SUPT3H: variants seen among roughly 807,000 people sequenced by gnomAD.
SUPT3H encodes the protein SPT3 homolog, SAGA and STAGA complex component.
A neutral mutation model predicts 44.3 loss-of-function variants in SUPT3H; 44 were observed. That is an observed-to-expected ratio of 0.99 (90% CI 0.78 to 1.28). The LOEUF is 1.28. SUPT3H is among the 50% of genes most tolerant of loss of function. The pLI, the probability that SUPT3H is intolerant of heterozygous loss-of-function variation, is 0.00. For synonymous variants in SUPT3H, 124 were observed against 125.6 expected (o/e 0.99, Z 0.09); for missense variants, 380 against 387.1 (o/e 0.98, Z 0.15).
chr6:45,120,482 GGAT>G (rs917854894), intron 2 of SUPT3H, among the ~76,000 whole-genome samples: 3 of 145,482 alleles, frequency 2.1e-5, no homozygotes, highest in African/African-American at 7.5e-5. Context: ...GACTGGAGTA[GGAT>G]GATGATGATA....
chr6:45,221,599 C>T (rs147123847), intron 2 of SUPT3H, among the ~76,000 whole-genome samples: 112 of 152,098 alleles, frequency 7.4e-4, no homozygotes, highest in Non-Finnish European at 1.4e-3. Context: ...TAAATGGAGA[C>T]ACAGTTTATG....
intron 2 of SUPT3H, among the ~76,000 whole-genome samples, chr6:45,315,603 C>T (rs528067290): frequency 6.6e-6 from 1 of 152,050 alleles, no homozygotes; most frequent in Admixed American, 6.6e-5. Flanking sequence ...GTAAGAATGG[C>T]CATAATCAAA....
At position 45,298,521 on chromosome 6, in the gene SUPT3H, CT is replaced by C. The variant is rs1226029261; in HGVS notation, c.101+66679del. On this transcript the variant is annotated intron_variant, in intron 2 of 10. Transcript: ENST00000371459. ...AAGAATATTCATTAAAATGTTATCT[CT>C]TTTTTTTTTTTTGAGATGGAGTCAG... 8.0e-3 allele frequency among the ~76,000 whole-genome samples: 1,146 copies of C among 144,076 alleles called. 9 individuals carry two copies. The highest frequency in any genetic ancestry group is 0.019 in the African/African-American group (753 of 39,570). 94.5% of individuals were successfully genotyped at this position (144,076 alleles called of 152,430 possible).
chr6:45,079,612 G>A (rs551768028), intron 3 of SUPT3H, among the ~76,000 whole-genome samples: 7 of 152,254 alleles, frequency 4.6e-5, no homozygotes, highest in African/African-American at 9.6e-5. Context: ...ACACAGAACA[G>A]TGGAACAGAA....
chr6:44,846,307 G>A (rs1283295259), intron 10 of SUPT3H, among the ~76,000 whole-genome samples: 1 of 152,150 alleles, frequency 6.6e-6, no homozygotes, highest in Admixed American at 6.5e-5. Context: ...GCTAGTTAAG[G>A]ATACCAACAG....
At chr6:45,330,962 A>G (rs1198529395) in intron 2 of SUPT3H, among the ~76,000 whole-genome samples, 2 of 152,000 alleles carry the variant, frequency 1.3e-5, no homozygotes, top group Non-Finnish European at 2.9e-5. Flanking sequence ...AGATTTTTAT[A>G]TAATGATTAT....
At chr6:45,289,938 T>C (rs760876605) in intron 2 of SUPT3H, among the ~76,000 whole-genome samples, 3 of 152,178 alleles carry the variant, frequency 2.0e-5, no homozygotes, top group Non-Finnish European at 4.4e-5. Flanking sequence ...TCACCTAGCA[T>C]GTTGGAGGCT....
intron 10 of SUPT3H, among the ~76,000 whole-genome samples, chr6:44,866,395 G>A (rs758465974): frequency 6.6e-6 from 1 of 151,972 alleles, no homozygotes; most frequent in Non-Finnish European, 1.5e-5. Flanking sequence ...CAGGTAGGAG[G>A]ATCACTTGAG....
At chr6:45,132,052 T>C (rs916865480) in intron 2 of SUPT3H, among the ~76,000 whole-genome samples, 10 of 152,144 alleles carry the variant, frequency 6.6e-5, no homozygotes, top group Non-Finnish European at 1.5e-4. Context: ...GATAACAATA[T>C]TCAGAACAGT....
At chr6:45,279,103 G>A (rs1777510871) in intron 2 of SUPT3H, among the ~76,000 whole-genome samples, 1 of 152,134 alleles carries the variant, frequency 6.6e-6, no homozygotes, top group Non-Finnish European at 1.5e-5. Flanking sequence ...AGATACTTAT[G>A]TTTCTTAGTG....
intron 10 of SUPT3H, among the ~76,000 whole-genome samples, chr6:44,901,736 TTGAAA>T (rs1265413800): frequency 1.3e-5 from 2 of 150,128 alleles, no homozygotes; most frequent in Non-Finnish European, 3.0e-5. Context: ...TTCACCAAAG[TTGAAA>T]TGAAGGAAAA....
chr6:45,263,731 G>A (rs1352860473), intron 2 of SUPT3H, among the ~76,000 whole-genome samples: 1 of 152,098 alleles, frequency 6.6e-6, no homozygotes, highest in Non-Finnish European at 1.5e-5. Context: ...TGCCATTCTT[G>A]TATCCCTACA....
intron 2 of SUPT3H, among the ~76,000 whole-genome samples, chr6:45,271,060 C>T (rs1459864500): frequency 1.3e-5 from 2 of 152,174 alleles, no homozygotes; most frequent in East Asian, 3.9e-4. Context: ...AGCAGCAAAG[C>T]ATTCAAGAGG....
intron 3 of SUPT3H, among the ~76,000 whole-genome samples, chr6:45,062,653 C>T (rs1206102591): frequency 7.2e-5 from 11 of 152,178 alleles, no homozygotes; most frequent in African/African-American, 2.7e-4. Flanking sequence ...ACCTGGGAAG[C>T]GCGAGGGGTC....
intron 2 of SUPT3H, among the ~76,000 whole-genome samples, chr6:45,198,143 T>A (rs556582448): frequency 2.0e-5 from 3 of 151,500 alleles, no homozygotes; most frequent in East Asian, 1.9e-4. Context: ...CTTAATCATA[T>A]CTTCTTAAGA....
chr6:45,184,775 GAAAAAAAAAAAAAA>G (rs55652227), intron 2 of SUPT3H, among the ~76,000 whole-genome samples: 1 of 128,578 alleles, frequency 7.8e-6, no homozygotes, highest in Non-Finnish European at 1.6e-5. Context: ...ACAGGCAGAG[GAAAAAAAAAAAAAA>G]AAAAAAAAAA....
rs201279038 is a variant in SUPT3H, at chr6:44,909,140, T to C, written c.912+23513A>G. Among the ~76,000 whole-genome samples the C allele has an allele frequency of 1.6e-3, 133 of 81,248 alleles. 1 individual carries two copies. Among genetic ancestry groups the C allele is most frequent in the East Asian group, 0.015 (39 of 2,582 alleles). The allele number at this position is 81,248 out of a possible 152,430, so 53.3% of individuals were successfully genotyped here. A position where few individuals can be genotyped will look rare whatever the true frequency, so the allele number is the denominator to read the frequency against. On this transcript the variant is annotated intron_variant, in intron 10 of 10. Transcript: ENST00000371459. ...TACCTAAGAGGTGTGTGTGTGTGTG[T>C]GCGTGTGTGTGTGTGTGTGTGTGTG...
In SUPT3H at chr6:45,143,507, A is replaced by G. The variant is rs994198845; in HGVS notation, c.102-37501T>C. Among the ~76,000 whole-genome samples the G allele has an allele frequency of 5.3e-5, 8 of 152,154 alleles. No individual in the cohort carries two copies. In the East Asian group the frequency reaches 5.8e-4, roughly 11 times the overall value. ...AAAAATTAAAAATTCTTTGAACTGA[A>G]TAACAGTGACAAAACTCATCAAAAT... is the stretch of plus-strand genomic sequence containing the variant. On this transcript the variant is annotated intron_variant, in intron 2 of 10. Transcript: ENST00000371459.
At chr6:45,305,990 C>T (rs1490618195) in intron 2 of SUPT3H, among the ~76,000 whole-genome samples, 1 of 152,242 alleles carries the variant, frequency 6.6e-6, no homozygotes, top group East Asian at 1.9e-4. Context: ...TCTGCATATA[C>T]CTGTACTCCC....
Sources: allele counts gnomAD v4.1 joint callset (sites outside exome capture counted in the v4.1 genomes callset), GRCh38; gene constraint gnomAD v4.1.1; transcripts MANE v1.5; gene names NCBI Gene and HGNC (gene_info 2026-07-23, HGNC 2026-07-21).